Variants in CADM2 observed in about 807,000 individuals in gnomAD.
CADM2 encodes immunoglobulin superfamily member 4D.
A neutral mutation model predicts 49.8 loss-of-function variants in CADM2; 12 were observed. The ratio of observed to expected loss-of-function variants is 0.24; its 90% CI spans 0.15 to 0.39. The LOEUF (loss-of-function observed/expected upper bound fraction) is 0.39, where lower values mean the gene tolerates loss of function less well. Ranked by LOEUF, CADM2 falls within the 10% of genes least tolerant of loss-of-function variation. The pLI is 1.00. For synonymous variants in CADM2, 214 were observed against 175.4 expected, an observed-to-expected ratio of 1.22 and a Z score of -1.74; for missense variants, 378 against 492.3, an observed-to-expected ratio of 0.77 and a Z score of 2.20.
chr3:85,321,034 T>C (rs1324327749), intron 1 of CADM2, among the ~76,000 whole-genome samples: 3 of 137,952 alleles, frequency 2.2e-5, no homozygotes, highest in Non-Finnish European at 4.6e-5. Flanking sequence ...AGTGAAAGAA[T>C]AATTAGATTA....
intron 1 of CADM2, among the ~76,000 whole-genome samples, chr3:85,281,169 CAT>C (rs764300325): frequency 1.3e-5 from 2 of 151,678 alleles, no homozygotes; most frequent in Non-Finnish European, 2.9e-5. Context: ...TGTGGACACA[CAT>C]CAGAACAGAA....
At chr3:85,273,821 G>T (rs1432243988) in intron 1 of CADM2, among the ~76,000 whole-genome samples, 9 of 150,634 alleles carry the variant, frequency 6.0e-5, no homozygotes, top group Non-Finnish European at 1.2e-4. Context: ...TCACATCTGT[G>T]GTAATTAAAA....
At chr3:85,404,238 T>C (rs1276203249) in intron 1 of CADM2, among the ~76,000 whole-genome samples, 1 of 152,096 alleles carries the variant, frequency 6.6e-6, no homozygotes, top group Non-Finnish European at 1.5e-5. Flanking sequence ...CACCTCACTT[T>C]TTTTCTCCTT....
chr3:86,052,035 T>C (rs1314046581), intron 8 of CADM2, among the ~76,000 whole-genome samples: 1 of 152,090 alleles, frequency 6.6e-6, no homozygotes, highest in East Asian at 1.9e-4. Context: ...CCTTGGTGAA[T>C]GACAAATTCT....
At chr3:84,961,412 G>T (rs900856725) in intron 1 of CADM2, among the ~76,000 whole-genome samples, 20 of 152,164 alleles carry the variant, frequency 1.3e-4, no homozygotes, top group African/African-American at 4.1e-4. Context: ...GATATGTCAT[G>T]TGTGCCAGAA....
chr3:85,510,746 T>C (rs1271128263), intron 1 of CADM2, among the ~76,000 whole-genome samples: 1 of 152,040 alleles, frequency 6.6e-6, no homozygotes, highest in African/African-American at 2.4e-5. Context: ...TTAGTTCAAT[T>C]AGTCTTTCAT....
rs538380414 is a variant in CADM2 at position 85,179,128 on chromosome 3, G to T, written c.61+219460G>T. On this transcript the variant is annotated intron_variant, in intron 1 of 9. Coordinates refer to ENST00000383699, the MANE Select transcript of CADM2 (RefSeq NM_001167675.2). Reference sequence around the variant, plus strand: ...CATTAAGCAGCTAGGCAAGTGTCTAGATGTCTTCTCCATATATTGCTAAGG... The same window carrying T: ...CATTAAGCAGCTAGGCAAGTGTCTATATGTCTTCTCCATATATTGCTAAGG... Among the ~76,000 whole-genome samples the T allele has an allele frequency of 1.2e-4, 18 of 152,046 alleles. 1 individual carries two copies. Among genetic ancestry groups the T allele is most frequent in the African/African-American group, 2.4e-5 (1 of 41,550 alleles).
chr3:85,374,928 T>A (rs1387900310), intron 1 of CADM2, among the ~76,000 whole-genome samples: 1 of 152,080 alleles, frequency 6.6e-6, no homozygotes, highest in Admixed American at 6.6e-5. Flanking sequence ...ACCATATCAG[T>A]GCTAAATACC....
intron 6 of CADM2, among the ~76,000 whole-genome samples, chr3:85,925,451 A>C (rs1207745412): frequency 6.6e-6 from 1 of 152,230 alleles, no homozygotes; most frequent in Non-Finnish European, 1.5e-5. Flanking sequence ...AAGAAATGTA[A>C]GTTAAATGGA....
intron 8 of CADM2, among the ~76,000 whole-genome samples, chr3:86,038,435 T>G (rs2107212027): frequency 6.6e-6 from 1 of 152,326 alleles, no homozygotes; most frequent in African/African-American, 2.4e-5. Flanking sequence ...ATTCAGAGGC[T>G]ACCTTAACCT....
intron 1 of CADM2, among the ~76,000 whole-genome samples, chr3:85,547,716 C>G (rs1322847126): frequency 1.3e-5 from 2 of 152,182 alleles, no homozygotes; most frequent in East Asian, 3.9e-4. Flanking sequence ...GAAGTTGAAT[C>G]TCCACTTTAG....
At chr3:85,282,472 A>G (rs2043527068) in intron 1 of CADM2, among the ~76,000 whole-genome samples, 1 of 134,430 alleles carries the variant, frequency 7.4e-6, no homozygotes, top group Admixed American at 7.9e-5. Flanking sequence ...GGGTTTCACT[A>G]TGTTGGCCAG....
intron 1 of CADM2, among the ~76,000 whole-genome samples, chr3:85,308,038 T>C (rs1186911763): frequency 2.0e-5 from 3 of 151,734 alleles, no homozygotes; most frequent in Non-Finnish European, 4.4e-5. Context: ...TATAAATTTC[T>C]TACTGTCATA....
At chr3:85,717,786 A>G (rs968458406) in intron 1 of CADM2, among the ~76,000 whole-genome samples, 1 of 152,068 alleles carries the variant, frequency 6.6e-6, no homozygotes, top group African/African-American at 2.4e-5. Context: ...TGTTTTTTGG[A>G]GACAGAGTTG....
chr3:85,245,208 G>GT (rs1432369172), intron 1 of CADM2, among the ~76,000 whole-genome samples: 3 of 152,156 alleles, frequency 2.0e-5, no homozygotes, highest in Admixed American at 2.0e-4. Flanking sequence ...CAATAAATCT[G>GT]TAACAGTTGG....
At chr3:85,044,714 C>T (rs1367429352) in intron 1 of CADM2, among the ~76,000 whole-genome samples, 3 of 151,898 alleles carry the variant, frequency 2.0e-5, no homozygotes, top group Non-Finnish European at 2.9e-5. Context: ...CAGTGAAATT[C>T]TTGGGTGGAT....
intron 1 of CADM2, among the ~76,000 whole-genome samples, chr3:85,327,554 C>CCACACA (rs71108276): frequency 0.029 from 3,970 of 137,098 alleles, 108 homozygotes; most frequent in African/African-American, 0.071. Flanking sequence ...CCATGCCCGG[C>CCACACA]CACACACACA....
At chr3:85,384,557 G>A (rs1253284465) in intron 1 of CADM2, among the ~76,000 whole-genome samples, 2 of 151,904 alleles carry the variant, frequency 1.3e-5, no homozygotes, top group Non-Finnish European at 2.9e-5. Context: ...CAGGTGATCC[G>A]CCCGCCTCAG....
rs888373929 is a variant in CADM2 at position 85,476,526 on chromosome 3, T to G, written c.62-249996T>G. Among the ~76,000 whole-genome samples, 6 of 151,852 alleles carry G rather than the reference T, an allele frequency of 4.0e-5. No homozygotes were observed. The South Asian group carries it at 1.2e-3, about 31-fold the overall frequency. On this transcript the variant is annotated intron_variant, in intron 1 of 9. Transcript: ENST00000383699. ...CATTCAGCCTCTATTTTGTTTCTAA[T>G]TCACTCTTTTATGAGTTTTTTCATG...
Sources: allele counts gnomAD v4.1 joint callset (sites outside exome capture counted in the v4.1 genomes callset), GRCh38; gene constraint gnomAD v4.1.1; transcripts MANE v1.5; gene names NCBI Gene and HGNC (gene_info 2026-07-23, HGNC 2026-07-21).